COL23A1: variants seen among roughly 807,000 people sequenced by gnomAD.
COL23A1 encodes collagen alpha-1(XXIII) chain.
Under a neutral mutation model 99.3 loss-of-function variants are expected in COL23A1, and 97 were observed. That is an observed-to-expected ratio of 0.98 (90% confidence interval 0.83 to 1.16). The LOEUF (loss-of-function observed/expected upper bound fraction) is 1.16. COL23A1 is among the 50% of genes most tolerant of loss of function. COL23A1 has a pLI of 0.00. For missense variants in COL23A1, 762 were observed against 757.4 expected (o/e 1.01, Z -0.07); for synonymous variants, 320 against 308.2 (o/e 1.04, Z -0.40).
chr5:178,471,395 C>A (rs1456630625), intron 2 of COL23A1, among the ~76,000 whole-genome samples: 1 of 152,132 alleles, frequency 6.6e-6, no homozygotes, highest in Non-Finnish European at 1.5e-5. Context: ...GCACCCACCA[C>A]ACCTGGCTAA....
chr5:178,324,487 C>T (rs890813), intron 2 of COL23A1, among the ~76,000 whole-genome samples: 65,121 of 151,936 alleles, frequency 0.43, 14,804 homozygotes, highest in African/African-American at 0.58. Context: ...ACAATGACCA[C>T]GACCGCTGCT....
intron 2 of COL23A1, among the ~76,000 whole-genome samples, chr5:178,374,000 A>C (rs1474291451): frequency 6.6e-6 from 1 of 152,088 alleles, no homozygotes; most frequent in Non-Finnish European, 1.5e-5. Flanking sequence ...TCAACTTCTC[A>C]GTTTTCTCTG....
chr5:178,478,878 T>C (rs1348248313), intron 2 of COL23A1, among the ~76,000 whole-genome samples: 3 of 152,110 alleles, frequency 2.0e-5, no homozygotes, highest in Non-Finnish European at 4.4e-5. Context: ...AGATCCTGGC[T>C]CCAGAAAGGC....
chr5:178,319,302 A>G (rs1231833061), intron 2 of COL23A1, among the ~76,000 whole-genome samples: 1 of 151,438 alleles, frequency 6.6e-6, no homozygotes, highest in African/African-American at 2.4e-5. Context: ...AAATTCCTCA[A>G]CTCTCCATTC....
chr5:178,579,262 G>A (rs1005925617), intron 1 of COL23A1, among the ~76,000 whole-genome samples: 3 of 152,228 alleles, frequency 2.0e-5, no homozygotes, highest in African/African-American at 4.8e-5. Context: ...TGTTCAGGGT[G>A]TGCACGACAT....
At chr5:178,363,528 G>A (rs1208411960) in intron 2 of COL23A1, among the ~76,000 whole-genome samples, 1 of 152,170 alleles carries the variant, frequency 6.6e-6, no homozygotes, top group Non-Finnish European at 1.5e-5. Flanking sequence ...TACACTCCCA[G>A]CCAGACTCTG....
Position 178,435,555 on chromosome 5 carries a change from G to A in COL23A1, c.361+125127C>T, listed in dbSNP as rs962233935. Among the ~76,000 whole-genome samples, 21 of 152,324 alleles carry A rather than the reference G, an allele frequency of 1.4e-4. 1 individual carries two copies. Among genetic ancestry groups the A allele is most frequent in the South Asian group, 1.2e-3 (6 of 4,822 alleles). ...CCAGCTCTGCCACCTGACCTCAGGC[G>A]AGTTACTGAGCTCTCTCAGACTGAG... is the stretch of plus-strand genomic sequence containing the variant. On this transcript the variant is annotated intron_variant, in intron 2 of 28. Coordinates refer to ENST00000390654, the MANE Select transcript of COL23A1 (RefSeq NM_173465.4).
chr5:178,432,788 G>A (rs1432851352), intron 2 of COL23A1, among the ~76,000 whole-genome samples: 1 of 152,098 alleles, frequency 6.6e-6, no homozygotes, highest in African/African-American at 2.4e-5. Flanking sequence ...CCTGGGACAA[G>A]TGCCCCAGGG....
rs765018920 is a variant in COL23A1, at chr5:178,288,305, A to C, written c.441+19T>G. On this transcript the variant is annotated intron_variant, in intron 5 of 28. Transcript: ENST00000390654. ...AAGAGAAAAGGGTGAAGAGAGCAAA[A>C]AAATAAATGACAAATTACCGGGTAG... is the stretch of plus-strand genomic sequence containing the variant. The C allele has an allele frequency of 6.2e-7, 1 of 1,602,202 alleles. No homozygotes were observed. The highest frequency in any genetic ancestry group is 8.6e-7 in the Non-Finnish European group (1 of 1,168,864).
In COL23A1 at chr5:178,252,471, G is replaced by C. The variant is rs373748153; in HGVS notation, c.1014+73C>G. On this transcript the variant is annotated intron_variant, in intron 17 of 28. Coordinates refer to ENST00000390654, the MANE Select transcript of COL23A1 (RefSeq NM_173465.4). ...CGGAGGGAAGTGGAACAGGGTCACA[G>C]AGCAGACAGGAAGAGGGAGGTGGGC... 61 of 1,424,096 alleles carry C rather than the reference G, an allele frequency of 4.3e-5. No homozygotes were observed. In the African/African-American group the frequency reaches 7.2e-4, roughly 17 times the overall value. The allele number at this position is 1,424,096 out of a possible 1,614,324, so 88.2% of individuals were successfully genotyped here. A position where few individuals can be genotyped will look rare whatever the true frequency, so the allele number is the denominator to read the frequency against.
Position 178,414,410 on chromosome 5 carries a change from TAAA to T in COL23A1, c.362-107494_362-107492del, listed in dbSNP as rs11332594. ...GCATTAACTACAAATATCCTTTTTT[TAAA>T]AAAAAAAAAAGGACTTGTTTTCCCT... On this transcript the variant is annotated intron_variant, in intron 2 of 28. Coordinates refer to ENST00000390654, the MANE Select transcript of COL23A1 (RefSeq NM_173465.4). 4.8e-3 allele frequency among the ~76,000 whole-genome samples: 721 copies of T among 148,732 alleles called. 2 individuals carry two copies. The highest frequency in any genetic ancestry group is 0.01 in the Middle Eastern group (3 of 286).
intron 2 of COL23A1, among the ~76,000 whole-genome samples, chr5:178,320,612 A>G (rs946465596): frequency 1.3e-5 from 2 of 152,192 alleles, no homozygotes; most frequent in Non-Finnish European, 2.9e-5. Context: ...AGCTGCTCCC[A>G]AATCCTGGCC....
In COL23A1 at chr5:178,468,545, CG is replaced by C. The variant is rs1391789597; in HGVS notation, c.361+92136del. On this transcript the variant is annotated intron_variant, in intron 2 of 28. Transcript: ENST00000390654. The surrounding 1 kb of genome is among the most constrained non-coding windows in gnomAD (Gnocchi z 4.2). Reference sequence around the variant, plus strand: ...CATCTGCTCACACCCAGGCCTCACCCGGCCCCGTCCCTCTGAGCTGACCTCA... The same window carrying C: ...CATCTGCTCACACCCAGGCCTCACCCGCCCCGTCCCTCTGAGCTGACCTCA... Among the ~76,000 whole-genome samples the C allele has an allele frequency of 5.9e-5, 9 of 152,096 alleles. No individual in the cohort carries two copies. The highest frequency in any genetic ancestry group is 8.8e-5 in the Non-Finnish European group (6 of 68,020).
intron 2 of COL23A1, among the ~76,000 whole-genome samples, chr5:178,377,387 A>G (rs1266644015): frequency 1.3e-5 from 2 of 152,168 alleles, no homozygotes; most frequent in Non-Finnish European, 2.9e-5. Flanking sequence ...TCTGGCCCTC[A>G]TCTCCAGGGG....
intron 2 of COL23A1, among the ~76,000 whole-genome samples, chr5:178,523,163 C>CATATATATATATATATATATACACACAT (rs70997608): frequency 1.0e-5 from 1 of 95,550 alleles, no homozygotes; most frequent in Admixed American, 1.4e-4. Flanking sequence ...TATATATATA[C>CATATATATATATATATATATACACACAT]ATATATATAT....
At chr5:178,501,224 A>G (rs1352417748) in intron 2 of COL23A1, among the ~76,000 whole-genome samples, 1 of 152,132 alleles carries the variant, frequency 6.6e-6, no homozygotes, top group Non-Finnish European at 1.5e-5. Context: ...TTTTTACCTC[A>G]TATTTCCCAG....
intron 2 of COL23A1, among the ~76,000 whole-genome samples, chr5:178,483,783 T>C (rs1367146779): frequency 6.6e-6 from 1 of 152,254 alleles, no homozygotes; most frequent in East Asian, 1.9e-4. Context: ...ACAAAGCACG[T>C]GGAGCCCGTG....
At chr5:178,336,083 G>C (rs1469726167) in intron 2 of COL23A1, among the ~76,000 whole-genome samples, 2 of 152,210 alleles carry the variant, frequency 1.3e-5, no homozygotes, top group Admixed American at 1.3e-4. Context: ...GGGAAGCCTA[G>C]AGTTTTGGGG....
intron 5 of COL23A1, among the ~76,000 whole-genome samples, chr5:178,274,171 C>G (rs1015390980): frequency 3.9e-5 from 6 of 152,240 alleles, no homozygotes; most frequent in Non-Finnish European, 8.8e-5. Flanking sequence ...TTTGAAAGGA[C>G]AGTGCTCCTT....
Sources: gnomAD v4.1 joint callset for allele counts (sites outside exome capture counted in the v4.1 genomes callset) on GRCh38, gnomAD v4.1.1 for gene constraint, Gnocchi (gnomAD v3.1) non-coding constraint, MANE v1.5 for transcripts, NCBI Gene and HGNC (gene_info 2026-07-23, HGNC 2026-07-21) for gene names.